Variants in EIF2AK2 observed in about 807,000 individuals in gnomAD.
The protein encoded by EIF2AK2 is interferon-induced, double-stranded RNA-activated protein kinase.
A neutral mutation model predicts 70.5 loss-of-function variants in EIF2AK2; 40 were observed. That is an observed-to-expected ratio of 0.57 (90% CI 0.44 to 0.74). The LOEUF is 0.74. Among genes scored for constraint, EIF2AK2 ranks in the 30% least tolerant of loss-of-function variants. The pLI, the probability that EIF2AK2 is intolerant of heterozygous loss-of-function variation, is 0.00. For missense variants in EIF2AK2, 555 were observed against 644.3 expected (o/e 0.86, Z 1.50); for synonymous variants, 198 against 220.9 (o/e 0.90, Z 0.92).
chr2:37,132,722 C>G (rs1674987698), intron 10 of EIF2AK2, among the ~76,000 whole-genome samples: 1 of 152,168 alleles, frequency 6.6e-6, no homozygotes, highest in African/African-American at 2.4e-5. Flanking sequence ...AGTTGAAAGC[C>G]ATTTTCCATC....
At chr2:37,117,084 G>A (rs1040664388) in intron 13 of EIF2AK2, among the ~76,000 whole-genome samples, 6 of 151,910 alleles carry the variant, frequency 3.9e-5, no homozygotes, top group African/African-American at 1.2e-4. Flanking sequence ...ATCATGGCAG[G>A]CGCCTGTAAT....
At chr2:37,110,323 T>C (rs1402291984) in intron 14 of EIF2AK2, among the ~76,000 whole-genome samples, 1 of 151,570 alleles carries the variant, frequency 6.6e-6, no homozygotes, top group Non-Finnish European at 1.5e-5. Context: ...TCAAACCCCT[T>C]GACCTGAGGT....
At position 37,135,115 on chromosome 2, in the gene EIF2AK2, G is replaced by A. The variant is rs115559479; in HGVS notation, c.785+369C>T. On this transcript the variant is annotated intron_variant, in intron 10 of 16. Transcript: ENST00000233057. ...TGGAGTAGTCCTCCAAAACAGATGG[G>A]GACTAGATCTAATAATGGCTGAAAA... is the stretch of plus-strand genomic sequence containing the variant. Among the ~76,000 whole-genome samples, 806 of 152,200 alleles carry A rather than the reference G, an allele frequency of 5.3e-3. 3 individuals carry two copies. Among genetic ancestry groups the A allele is most frequent in the Non-Finnish European group, 8.9e-3 (607 of 68,004 alleles).
rs2307484 is a variant in EIF2AK2, at chr2:37,138,497, G to A, written c.593+12C>T. ...AATATGTTAAGTATCTCAATTGTTT[G>A]TCTACACTTACAGTGTGCTGGTCAC... On this transcript the variant is annotated intron_variant, in intron 7 of 16. Transcript: ENST00000233057. 38,934 of 1,613,050 alleles carry A rather than the reference G, an allele frequency of 0.024. 6,169 individuals are homozygous for A. The East Asian group carries it at 0.49, about 20-fold the overall frequency.
Position 37,107,499 on chromosome 2 carries a change from A to C in EIF2AK2, c.1508T>G (p.Ile503Ser). 6.2e-7 allele frequency: 1 copy of C among 1,612,870 alleles called. No homozygotes were observed. Among genetic ancestry groups the C allele is most frequent in the Non-Finnish European group, 8.5e-7 (1 of 1,179,760 alleles). ...TTCTTTTTTATCAAATATATCTGAG[A>C]TGATGCCATCCCGTAGGTCTGTGAA... is the stretch of plus-strand genomic sequence containing the variant. Reference protein sequence around the residue: ...KFFTDLRDGIISDIFDKKEKT... With the variant: ...KFFTDLRDGISSDIFDKKEKT... The change falls in exon 16 of 17, where the codon ATC (isoleucine) becomes AGC (serine). Residue 503 changes from isoleucine to serine, a missense_variant. By Grantham distance (142) the Ile-to-Ser change is moderately radical. Coordinates refer to ENST00000233057, the MANE Select transcript of EIF2AK2 (RefSeq NM_001135651.3).
intron 4 of EIF2AK2, among the ~76,000 whole-genome samples, chr2:37,143,154 G>A (rs1573033623): frequency 6.6e-6 from 1 of 151,810 alleles, no homozygotes. Context: ...CTTGAACATG[G>A]GAGGCGGAGG....
intron 11 of EIF2AK2, among the ~76,000 whole-genome samples, chr2:37,125,254 G>A (rs1298421637): frequency 4.6e-5 from 7 of 152,132 alleles, no homozygotes; most frequent in South Asian, 2.1e-4. Flanking sequence ...CAGGTGATCC[G>A]CCTGCCACGG....
chr2:37,126,546 A>T, intron 10 of EIF2AK2, 135 bp from the exon 11 acceptor site: 1 of 1,344,388 alleles, frequency 7.4e-7, no homozygotes, highest in Non-Finnish European at 9.9e-7. Context: ...TCTGAATAAG[A>T]AAGATCCACT....
At chr2:37,154,157 T>C (rs1675840032) in intron 1 of EIF2AK2, among the ~76,000 whole-genome samples, 1 of 151,980 alleles carries the variant, frequency 6.6e-6, no homozygotes, top group African/African-American at 2.4e-5. Flanking sequence ...AGAAACCCCA[T>C]CTCTACTAAA....
At position 37,104,470 on chromosome 2, in the gene EIF2AK2, C is replaced by G. The variant is rs1308453279; in HGVS notation, c.*2803G>C. On this transcript the variant is annotated 3_prime_UTR_variant, in exon 17 of 17. Coordinates refer to ENST00000233057, the MANE Select transcript of EIF2AK2 (RefSeq NM_001135651.3). ...AAGTAGCTGGGACCACAGATGCACA[C>G]TACCATGCCCAGCTAATTTTCTGAT... 2.6e-5 allele frequency: 4 copies of G among 152,122 alleles called. No individual in the cohort carries two copies. Among genetic ancestry groups the G allele is most frequent in the African/African-American group, 9.7e-5 (4 of 41,394 alleles). The allele number at this position is 152,122 out of a possible 1,614,324, so 9.4% of individuals were successfully genotyped here. A position where few individuals can be genotyped will look rare whatever the true frequency, so the allele number is the denominator to read the frequency against.
chr2:37,102,866 T>A lies in EIF2AK2; in HGVS notation c.*4407A>T, dbSNP rs1673860051. 1 of 152,206 alleles carries A rather than the reference T, an allele frequency of 6.6e-6. No homozygotes were observed. The highest frequency in any genetic ancestry group is 2.4e-5 in the African/African-American group (1 of 41,454). 9.4% of individuals were successfully genotyped at this position (152,206 alleles called of 1,614,324 possible). On this transcript the variant is annotated 3_prime_UTR_variant, in exon 17 of 17. Transcript: ENST00000233057. ...CATTGAATATATTTAACATAAGTGT[T>A]AAGTATGCATGTGAATTTTATGTAT...
intron 1 of EIF2AK2, among the ~76,000 whole-genome samples, chr2:37,154,497 G>T (rs1675854389): frequency 1.3e-5 from 2 of 151,952 alleles, no homozygotes; most frequent in African/African-American, 2.4e-5. Flanking sequence ...GCATTTGATG[G>T]GGTTGCGCAT....
In EIF2AK2 at chr2:37,136,924, T is replaced by C. The variant is rs375409282; in HGVS notation, c.722+59A>G. 1.3e-5 allele frequency: 20 copies of C among 1,498,806 alleles called. No homozygotes were observed. The South Asian group carries it at 1.5e-4, about 11-fold the overall frequency. The allele number at this position is 1,498,806 out of a possible 1,614,324, so 92.8% of individuals were successfully genotyped here. On this transcript the variant is annotated intron_variant, in intron 9 of 16. Transcript: ENST00000233057. ...AATACTCTACAAGTATTAAGAACAA[T>C]AAATAAGTCTGAAATAAAACTTCAG... is the stretch of plus-strand genomic sequence containing the variant.
rs752297595 is a variant in EIF2AK2, at chr2:37,135,477, A to G, written c.785+7T>C. On this transcript the variant is annotated splice_region_variant and intron_variant, in intron 10 of 16. Coordinates refer to ENST00000233057, the MANE Select transcript of EIF2AK2 (RefSeq NM_001135651.3). ...CCTTCTTCTTTCTTCAGCACTTAAAATCTTACCTCTTGTCCACAGTATACT... is the reference window on the plus strand; with the variant it reads ...CCTTCTTCTTTCTTCAGCACTTAAAGTCTTACCTCTTGTCCACAGTATACT... 1.2e-6 allele frequency: 2 copies of G among 1,600,992 alleles called. No individual in the cohort carries two copies. Among genetic ancestry groups the G allele is most frequent in the Non-Finnish European group, 1.7e-6 (2 of 1,175,942 alleles).
chr2:37,146,969 T>C lies in EIF2AK2; in HGVS notation c.124A>G (p.Thr42Ala). The change falls in exon 4 of 17, where the codon ACA becomes GCA. Residue 42 changes from threonine (T) to alanine (A), a missense_variant. Physicochemically the swap from Thr to Ala is moderately conservative, Grantham distance 58. This residue lies in a region of EIF2AK2 where 48 missense variants were observed against 77.1 expected (regional missense o/e 0.62). Transcript: ENST00000233057. ...NSGPPHDRRF[T>A]FQVIIDGREF... ...CTTCCATCTATTATAACTTGAAATG[T>C]AAACCTGATTACAAAGAGAATATTC... 6.2e-7 allele frequency: 1 copy of C among 1,609,356 alleles called. No individual in the cohort carries two copies. Among genetic ancestry groups the C allele is most frequent in the Non-Finnish European group, 8.5e-7 (1 of 1,178,142 alleles).
At chr2:37,136,438 T>C (rs1454633757) in intron 9 of EIF2AK2, among the ~76,000 whole-genome samples, 1 of 152,230 alleles carries the variant, frequency 6.6e-6, no homozygotes, top group Non-Finnish European at 1.5e-5. Context: ...GGGCACCTCA[T>C]GTGCAGAACT....
intron 14 of EIF2AK2, among the ~76,000 whole-genome samples, chr2:37,110,995 T>C (rs1342222007): frequency 6.6e-6 from 1 of 152,198 alleles, no homozygotes; most frequent in Non-Finnish European, 1.5e-5. Flanking sequence ...AATTCTGACA[T>C]GTTACAACAT....
chr2:37,104,065 G>C lies in EIF2AK2; in HGVS notation c.*3208C>G, dbSNP rs1200108334. 1 of 152,226 alleles carries C rather than the reference G, an allele frequency of 6.6e-6. No individual in the cohort carries two copies. Among genetic ancestry groups the C allele is most frequent in the Non-Finnish European group, 1.5e-5 (1 of 68,108 alleles). 9.4% of individuals were successfully genotyped at this position (152,226 alleles called of 1,614,324 possible). ...AGAGGCAGGAGAATCACTTGAACCTGGGAGGCAGAGGTTGCAGTGAGCCGA... is the reference window on the plus strand; with the variant it reads ...AGAGGCAGGAGAATCACTTGAACCTCGGAGGCAGAGGTTGCAGTGAGCCGA... On this transcript the variant is annotated 3_prime_UTR_variant, in exon 17 of 17. Transcript: ENST00000233057.
intron 10 of EIF2AK2, among the ~76,000 whole-genome samples, chr2:37,126,786 G>A (rs898832471): frequency 6.6e-6 from 1 of 151,510 alleles, no homozygotes; most frequent in Non-Finnish European, 1.5e-5. Context: ...GTGAAACCCC[G>A]TCTCTACTAA....
Sources: allele counts gnomAD v4.1 joint callset (sites outside exome capture counted in the v4.1 genomes callset), GRCh38; gene constraint gnomAD v4.1.1; regional missense constraint gnomAD v4.1.1; transcripts MANE v1.5; gene names NCBI Gene and HGNC (gene_info 2026-07-23, HGNC 2026-07-21).